The following TAOK1 variants were observed in gnomAD, a reference collection of about 807,000 sequenced individuals.
The protein encoded by TAOK1 is TAO kinase 1, also known as serine/threonine-protein kinase TAO1.
In TAOK1, 21 loss-of-function variants were observed where a neutral mutation model predicts 138.3. The observed-to-expected ratio is 0.15, with a 90% confidence interval of 0.11 to 0.22. The LOEUF (loss-of-function observed/expected upper bound fraction) is 0.22, where lower values mean the gene tolerates loss of function less well. TAOK1 is among the 10% of genes least tolerant of loss of function. TAOK1 has a pLI of 1.00. For missense variants in TAOK1, 651 were observed against 1,227.7 expected, an observed-to-expected ratio of 0.53 and a Z score of 7.02; for synonymous variants, 361 against 398.4, an observed-to-expected ratio of 0.91 and a Z score of 1.12.
intron 10 of TAOK1, 63 bp from the exon 11 acceptor site, chr17:29,495,497 G>C (rs1201516010): frequency 3.6e-6 from 5 of 1,397,224 alleles, no homozygotes; most frequent in Non-Finnish European, 9.7e-7. Context: ...TCTAGGGTCT[G>C]AGAAGGAGTA....
At chr17:29,489,207 G>T (rs1490624690) in intron 8 of TAOK1, among the ~76,000 whole-genome samples, 4 of 152,148 alleles carry the variant, frequency 2.6e-5, no homozygotes, top group Non-Finnish European at 5.9e-5. Context: ...ACTTGAAGAA[G>T]TTCTTGGAGG....
chr17:29,478,393 C>T, intron 6 of TAOK1, 46 bp downstream of exon 6: 4 of 1,288,042 alleles, frequency 3.1e-6, no homozygotes, highest in Non-Finnish European at 3.2e-6. Flanking sequence ...TGGCTTGTTG[C>T]ATATACCAAC....
Position 29,523,576 on chromosome 17 carries a change from A to T in TAOK1, c.2148+1057A>T, listed in dbSNP as rs1188501446. On this transcript the variant is annotated intron_variant, in intron 17 of 19. Transcript: ENST00000261716. Reference sequence around the variant, plus strand: ...CTAATTTTTTGTATTTTTAGTAGAGACGGGGTTCACCGTGTTAGCCAGGAT... The same window carrying T: ...CTAATTTTTTGTATTTTTAGTAGAGTCGGGGTTCACCGTGTTAGCCAGGAT... Among the ~76,000 whole-genome samples, 9 of 151,956 alleles carry T rather than the reference A, an allele frequency of 5.9e-5. No individual in the cohort carries two copies. The East Asian group carries it at 1.7e-3, about 29-fold the overall frequency.
intron 8 of TAOK1, among the ~76,000 whole-genome samples, chr17:29,487,245 C>G (rs2031190144): frequency 3.2e-5 from 1 of 31,496 alleles, no homozygotes; most frequent in Non-Finnish European, 5.2e-5. Context: ...GACTGTGTCT[C>G]CAAAAAAAAA....
At chr17:29,444,115 A>AG (rs35019905) in intron 1 of TAOK1, among the ~76,000 whole-genome samples, 1 of 57,186 alleles carries the variant, frequency 1.7e-5, no homozygotes, top group East Asian at 0.011. Context: ...ACTGTCTCAG[A>AG]AAAAAAAAAA....
rs60665025 is a variant in TAOK1, at chr17:29,397,607, C to CCAAA, written c.-95+6583_-95+6584insCAAA. Among the ~76,000 whole-genome samples, 22 of 94,610 alleles carry CCAAA rather than the reference C, an allele frequency of 2.3e-4. 1 individual carries two copies. Among genetic ancestry groups the CCAAA allele is most frequent in the African/African-American group, 9.1e-4 (17 of 18,710 alleles). 62.1% of individuals were successfully genotyped at this position (94,610 alleles called of 152,430 possible). A position where few individuals can be genotyped will look rare whatever the true frequency, so the allele number is the denominator to read the frequency against. On this transcript the variant is annotated intron_variant, in intron 1 of 19. Transcript: ENST00000261716. ...AACAGAGTGAGATTCCGTCCCCCCC[C>CCAAA]AAAAAAATATATATATATATATACA...
chr17:29,450,195 T>A (rs570929719), intron 1 of TAOK1, among the ~76,000 whole-genome samples: 13 of 152,064 alleles, frequency 8.5e-5, no homozygotes, highest in African/African-American at 3.1e-4. Context: ...CAAGTGATCC[T>A]CCCACCTCAG....
At chr17:29,458,276 G>T (rs965819939) in intron 2 of TAOK1, among the ~76,000 whole-genome samples, 9 of 152,178 alleles carry the variant, frequency 5.9e-5, no homozygotes, top group African/African-American at 1.9e-4. Flanking sequence ...TTTGATTTCA[G>T]TAAATATCAA....
In TAOK1 at chr17:29,547,732, T is replaced by C. The variant is rs1220375089; in HGVS notation, c.*4710T>C. The C allele has an allele frequency of 1.3e-5, 2 of 152,108 alleles. No individual in the cohort carries two copies. Among genetic ancestry groups the C allele is most frequent in the Non-Finnish European group, 2.9e-5 (2 of 67,984 alleles). 9.4% of individuals were successfully genotyped at this position (152,108 alleles called of 1,614,324 possible). On this transcript the variant is annotated 3_prime_UTR_variant, in exon 20 of 20. Coordinates refer to ENST00000261716, the MANE Select transcript of TAOK1 (RefSeq NM_020791.4). The stretch of plus-strand genomic sequence containing the variant: ...AAGAAAAACAAATTATCTATTTTGT[T>C]TTCCCCCATCTAACATGATAGTGCC...
intron 18 of TAOK1, among the ~76,000 whole-genome samples, chr17:29,533,033 C>T (rs1188118542): frequency 1.6e-4 from 9 of 57,198 alleles, no homozygotes; most frequent in Non-Finnish European, 2.3e-4. Context: ...CCCCACCTCC[C>T]TCCCGGATGG....
intron 1 of TAOK1, among the ~76,000 whole-genome samples, chr17:29,428,836 C>T (rs1905732549): frequency 6.6e-6 from 1 of 151,352 alleles, no homozygotes; most frequent in Admixed American, 6.6e-5. Context: ...CCATGTTGCC[C>T]AGGCTTGTCT....
At chr17:29,500,168 G>C (rs2031497410) in intron 12 of TAOK1, among the ~76,000 whole-genome samples, 1 of 151,930 alleles carries the variant, frequency 6.6e-6, no homozygotes. Context: ...TTAAAAATTA[G>C]CTCGGCATGG....
intron 1 of TAOK1, among the ~76,000 whole-genome samples, chr17:29,450,235 C>T (rs535747231): frequency 5.7e-4 from 86 of 152,070 alleles, no homozygotes; most frequent in African/African-American, 2.0e-3. Flanking sequence ...TATAGGAGCA[C>T]ACCACACCAC....
intron 13 of TAOK1, among the ~76,000 whole-genome samples, chr17:29,504,576 A>AG (rs902393011): frequency 1.3e-5 from 2 of 151,754 alleles, no homozygotes; most frequent in Non-Finnish European, 2.9e-5. Context: ...AGGCTGAGGC[A>AG]GGAGAATTGC....
chr17:29,445,882 AT>A (rs556463295), intron 1 of TAOK1, among the ~76,000 whole-genome samples: 35 of 151,198 alleles, frequency 2.3e-4, no homozygotes, highest in Admixed American at 4.0e-4. Flanking sequence ...TAGAATTGGT[AT>A]TTTTTTTTCT....
chr17:29,466,113 T>C (rs907322291), intron 2 of TAOK1, among the ~76,000 whole-genome samples: 1 of 152,134 alleles, frequency 6.6e-6, no homozygotes, highest in African/African-American at 2.4e-5. Flanking sequence ...TGTGGTGAAT[T>C]ATGAAATGTT....
At chr17:29,490,510 T>C (rs375758734) in intron 9 of TAOK1, among the ~76,000 whole-genome samples, 5 of 152,214 alleles carry the variant, frequency 3.3e-5, no homozygotes, top group East Asian at 3.8e-4. Flanking sequence ...AAAGAGTACA[T>C]AATTATGGCA....
intron 2 of TAOK1, among the ~76,000 whole-genome samples, chr17:29,464,887 C>T (rs1363501794): frequency 1.4e-5 from 2 of 144,858 alleles, no homozygotes; most frequent in Non-Finnish European, 3.0e-5. Context: ...GTAGCGCAAT[C>T]TCAACTCACT....
At position 29,517,449 on chromosome 17, in the gene TAOK1, C is replaced by G; in HGVS notation, c.1705-4C>G. 6.2e-7 allele frequency: 1 copy of G among 1,612,384 alleles called. No individual in the cohort carries two copies. Among genetic ancestry groups the G allele is most frequent in the Non-Finnish European group, 8.5e-7 (1 of 1,179,712 alleles). On this transcript the variant is annotated splice_polypyrimidine_tract_variant and splice_region_variant and intron_variant, in intron 15 of 19. Coordinates refer to ENST00000261716, the MANE Select transcript of TAOK1 (RefSeq NM_020791.4). The stretch of plus-strand genomic sequence containing the variant: ...TTTACCTGAGTTGTTTTTTATGTTG[C>G]CAGGAGCTAAATGAAAACCAGAGTA...
Sources: allele counts gnomAD v4.1 joint callset (sites outside exome capture counted in the v4.1 genomes callset), GRCh38; gene constraint gnomAD v4.1.1; transcripts MANE v1.5; gene names NCBI Gene and HGNC (gene_info 2026-07-23, HGNC 2026-07-21).